Variants in DYDC1 observed in about 807,000 individuals in gnomAD.
DYDC1 encodes DPY30 domain-containing protein 1.
DYDC1 carries 21 observed loss-of-function variants against 27.9 expected under a neutral mutation model. The ratio of observed to expected loss-of-function variants is 0.75; its 90% CI spans 0.53 to 1.08. The LOEUF (loss-of-function observed/expected upper bound fraction) is 1.08. DYDC1 is among the 50% of genes least tolerant of loss of function. DYDC1 has a pLI of 0.00. For synonymous variants in DYDC1, 67 were observed against 65.8 expected, an observed-to-expected ratio of 1.02 and a Z score of -0.09; for missense variants, 202 against 205.9, an observed-to-expected ratio of 0.98 and a Z score of 0.12.
intron 3 of DYDC1, among the ~76,000 whole-genome samples, chr10:80,350,915 C>A (rs1589517950): frequency 6.6e-6 from 1 of 152,172 alleles, no homozygotes. Context: ...AATCATGCTA[C>A]CCCAATCCTG....
chr10:80,346,444 CTTTTTTTTTTTTT>C (rs1032729095), intron 3 of DYDC1, among the ~76,000 whole-genome samples: 5 of 83,360 alleles, frequency 6.0e-5, no homozygotes, highest in Non-Finnish European at 8.6e-5. Context: ...TCTTCCCTTT[CTTTTTTTTTTTTT>C]TTTTTTTTTT....
rs532454500 is a variant in DYDC1 at position 80,344,848 on chromosome 10, T to C, written c.250-2487A>G. 8.0e-5 allele frequency: 16 copies of C among 199,680 alleles called. No individual in the cohort carries two copies. The South Asian group carries it at 1.2e-3, about 15-fold the overall frequency. 12.4% of individuals were successfully genotyped at this position (199,680 alleles called of 1,614,324 possible). ...CAATTAAACCTCTTTTTCTTCCCAG[T>C]GTTGGGTATGTCTTTATCAGCTGCT... On this transcript the variant is annotated intron_variant, in intron 3 of 6. Transcript: ENST00000372202.
intron 3 of DYDC1, among the ~76,000 whole-genome samples, chr10:80,343,296 C>A (rs951664382): frequency 1.3e-5 from 2 of 152,106 alleles, no homozygotes; most frequent in African/African-American, 4.8e-5. Flanking sequence ...GTATTGTCTA[C>A]GAGCGCTTTT....
At chr10:80,336,083 A>G, downstream of DYDC1, 1 of 1,045,924 alleles carries the variant, frequency 9.6e-7, no homozygotes, top group Non-Finnish European at 1.4e-6. Flanking sequence ...AAGGAAAAAA[A>G]TACAAATTGG....
At chr10:80,347,774 C>G (rs949168658) in intron 3 of DYDC1, among the ~76,000 whole-genome samples, 10 of 152,230 alleles carry the variant, frequency 6.6e-5, no homozygotes, top group African/African-American at 2.4e-4. Flanking sequence ...TATACTTGGG[C>G]TTATTCCTGG....
intron 6 of DYDC1, among the ~76,000 whole-genome samples, chr10:80,336,652 G>A (rs1156477326): frequency 6.6e-6 from 1 of 152,228 alleles, no homozygotes; most frequent in Non-Finnish European, 1.5e-5. Context: ...CCACCTGAGA[G>A]TCAACATCTC....
At chr10:80,342,791 G>A (rs980585880) in intron 3 of DYDC1, among the ~76,000 whole-genome samples, 1 of 151,988 alleles carries the variant, frequency 6.6e-6, no homozygotes, top group Non-Finnish European at 1.5e-5. Flanking sequence ...GACCAGACTG[G>A]CCAACATGGT....
At position 80,349,009 on chromosome 10, in the gene DYDC1, A is replaced by G. The variant is rs561944859; in HGVS notation, c.249+2892T>C. Among the ~76,000 whole-genome samples, 4 of 152,138 alleles carry G rather than the reference A, an allele frequency of 2.6e-5. No homozygotes were observed. In the South Asian group the frequency reaches 8.3e-4, roughly 32 times the overall value. On this transcript the variant is annotated intron_variant, in intron 3 of 6. Transcript: ENST00000372202. Reference sequence around the variant, plus strand: ...TGGGTTCGCGCCATTCTTCCCCCTCAGTCTCCTGAGTAGCTGGGACTACAG... The same window carrying G: ...TGGGTTCGCGCCATTCTTCCCCCTCGGTCTCCTGAGTAGCTGGGACTACAG...
intron 6 of DYDC1, 53 bp downstream of exon 6, chr10:80,338,414 A>T (rs942966911): frequency 6.9e-6 from 11 of 1,600,384 alleles, no homozygotes; most frequent in South Asian, 1.1e-5. Context: ...AAGTAAAAAA[A>T]ATCAAAAACA....
intron 3 of DYDC1, among the ~76,000 whole-genome samples, chr10:80,345,131 T>C (rs1842536177): frequency 6.6e-6 from 1 of 152,210 alleles, no homozygotes; most frequent in Non-Finnish European, 1.5e-5. Flanking sequence ...TATTTGAATC[T>C]ATTATGTGTT....
chr10:80,337,473 A>G, intron 6 of DYDC1: 1 of 979,154 alleles, frequency 1.0e-6, no homozygotes, highest in Non-Finnish European at 1.2e-6. Flanking sequence ...ATCTCCTGAC[A>G]CCTACTTCTC....
In DYDC1 at chr10:80,339,412, G is replaced by C. The variant is rs565633710; in HGVS notation, c.343-259C>G. 1.2e-3 allele frequency among the ~76,000 whole-genome samples: 183 copies of C among 152,190 alleles called. No individual in the cohort carries two copies. The Middle Eastern group carries it at 0.017, about 14-fold the overall frequency. ...TTTAAAAATGAAATGGACTGAAACA[G>C]TCAAACTGAAGCCAAATTATCTGCC... is the stretch of plus-strand genomic sequence containing the variant. On this transcript the variant is annotated intron_variant, in intron 4 of 6. Transcript: ENST00000372202.
intron 3 of DYDC1, among the ~76,000 whole-genome samples, chr10:80,350,064 G>A (rs1211222108): frequency 6.6e-6 from 1 of 151,960 alleles, no homozygotes; most frequent in Non-Finnish European, 1.5e-5. Context: ...CTTCATCTCA[G>A]CCACACTCTC....
chr10:80,353,590 G>A (rs186947156), intron 1 of DYDC1, among the ~76,000 whole-genome samples: 44 of 150,218 alleles, frequency 2.9e-4, no homozygotes, highest in African/African-American at 1.0e-3. Context: ...AGTGGCTCAC[G>A]CCTGTAATCA....
chr10:80,346,348 AT>A (rs1842621460), intron 3 of DYDC1, among the ~76,000 whole-genome samples: 1 of 147,656 alleles, frequency 6.8e-6, no homozygotes, highest in African/African-American at 2.5e-5. Flanking sequence ...CACCCATACC[AT>A]TTTGCATAAT....
chr10:80,349,182 C>T (rs1010590321), intron 3 of DYDC1, among the ~76,000 whole-genome samples: 2 of 152,326 alleles, frequency 1.3e-5, no homozygotes, highest in African/African-American at 2.4e-5. Flanking sequence ...TGAGCCACCG[C>T]GCCCGGCCCG....
rs115299918 is a variant in DYDC1 at position 80,336,861 on chromosome 10, T to A, written c.505-676A>T. ...GCTGTCTAACCCTAGTCATCTTACA[T>A]CTGGATCAGTGCAATAACTTCCTAA... is the stretch of plus-strand genomic sequence containing the variant. On this transcript the variant is annotated intron_variant, in intron 6 of 6. Transcript: ENST00000372202. 5.1e-3 allele frequency among the ~76,000 whole-genome samples: 770 copies of A among 152,316 alleles called. 4 individuals carry two copies. The highest frequency in any genetic ancestry group is 0.018 in the African/African-American group (736 of 41,564).
At chr10:80,338,605 G>T in intron 5 of DYDC1, 34 bp from the exon 6 acceptor site, 5 of 1,503,304 alleles carry the variant, frequency 3.3e-6, no homozygotes, top group Non-Finnish European at 2.7e-6. Context: ...ACTTTTAAAT[G>T]ATTTCAAAAT....
chr10:80,345,720 T>C (rs191245798), intron 3 of DYDC1, among the ~76,000 whole-genome samples: 7 of 152,192 alleles, frequency 4.6e-5, no homozygotes. Context: ...TCACTTAACA[T>C]CATGTCCTTC....
Sources: gnomAD v4.1 joint callset for allele counts (sites outside exome capture counted in the v4.1 genomes callset) on GRCh38, gnomAD v4.1.1 for gene constraint, MANE v1.5 for transcripts, NCBI Gene and HGNC (gene_info 2026-07-23, HGNC 2026-07-21) for gene names.